The following CNTNAP2 variants were observed in gnomAD, a reference collection of about 807,000 sequenced individuals.
CNTNAP2 encodes contactin associated protein 2.
In CNTNAP2, 98 loss-of-function variants were observed where a neutral mutation model predicts 155.2. The observed-to-expected ratio is 0.63, with a 90% CI of 0.54 to 0.75. The LOEUF is 0.75. Among genes scored for constraint, CNTNAP2 ranks in the 30% least tolerant of loss-of-function variants. The pLI is 0.00. For missense variants in CNTNAP2, 1,727 were observed against 1,688.1 expected (o/e 1.02, Z -0.40); for synonymous variants, 651 against 631.2 (o/e 1.03, Z -0.47).
At chr7:146,957,631 G>A (rs1316389459) in intron 3 of CNTNAP2, among the ~76,000 whole-genome samples, 1 of 152,134 alleles carries the variant, frequency 6.6e-6, no homozygotes, top group African/African-American at 2.4e-5. Flanking sequence ...AGAAACAATG[G>A]CAGTCTTGGG....
intron 9 of CNTNAP2, among the ~76,000 whole-genome samples, chr7:147,338,496 C>T (rs1223104850): frequency 6.6e-6 from 1 of 151,894 alleles, no homozygotes; most frequent in Non-Finnish European, 1.5e-5. Context: ...GAAGTAAATG[C>T]CCTGGTGATT....
At chr7:147,831,515 C>T (rs527732068) in intron 13 of CNTNAP2, among the ~76,000 whole-genome samples, 2 of 152,296 alleles carry the variant, frequency 1.3e-5, no homozygotes, top group African/African-American at 2.4e-5. Flanking sequence ...ACAAGCAATG[C>T]TTGCATGTAG....
intron 1 of CNTNAP2, among the ~76,000 whole-genome samples, chr7:146,743,455 C>T (rs1563213175): frequency 2.0e-5 from 3 of 152,108 alleles, no homozygotes; most frequent in Admixed American, 6.5e-5. Flanking sequence ...ACTAGTGATT[C>T]GACCAAATTA....
chr7:147,133,296 G>A (rs1463241360), intron 8 of CNTNAP2, among the ~76,000 whole-genome samples: 2 of 152,138 alleles, frequency 1.3e-5, no homozygotes, highest in East Asian at 3.9e-4. Flanking sequence ...GATAGTCTTT[G>A]CAATAGTCAT....
At chr7:146,829,609 A>G (rs571554873) in intron 2 of CNTNAP2, among the ~76,000 whole-genome samples, 3 of 152,206 alleles carry the variant, frequency 2.0e-5, no homozygotes, top group African/African-American at 4.8e-5. Flanking sequence ...TTTTAAAAAT[A>G]TGAGTTAGAG....
intron 1 of CNTNAP2, among the ~76,000 whole-genome samples, chr7:146,216,356 A>G (rs985630288): frequency 6.6e-6 from 1 of 152,222 alleles, no homozygotes; most frequent in African/African-American, 2.4e-5. Context: ...TTTAAAAAAC[A>G]GATATATTCT....
chr7:147,110,076 C>A (rs1423456900), intron 5 of CNTNAP2, among the ~76,000 whole-genome samples: 1 of 152,060 alleles, frequency 6.6e-6, no homozygotes, highest in Non-Finnish European at 1.5e-5. Flanking sequence ...AGGCACCTAC[C>A]ACCATGCCCG....
intron 1 of CNTNAP2, among the ~76,000 whole-genome samples, chr7:146,410,018 G>A (rs1452145749): frequency 6.6e-6 from 1 of 152,064 alleles, no homozygotes; most frequent in Non-Finnish European, 1.5e-5. Context: ...AGTTGGGGCT[G>A]GACAGAACCT....
rs1241672499 is a variant in CNTNAP2, at chr7:146,609,106, A to G, written c.98-165165A>G. 3.3e-5 allele frequency among the ~76,000 whole-genome samples: 5 copies of G among 152,100 alleles called. No individual in the cohort carries two copies. In the South Asian group the frequency reaches 6.2e-4, roughly 19 times the overall value. ...TTTATTACTAGGTCTCAAAAATCTC[A>G]TTTACTATTTCCTACTTCAAATGAC... On this transcript the variant is annotated intron_variant, in intron 1 of 23. Coordinates refer to ENST00000361727, the MANE Select transcript of CNTNAP2 (RefSeq NM_014141.6).
chr7:147,625,401 T>A (rs1319017581), intron 12 of CNTNAP2, among the ~76,000 whole-genome samples: 1 of 152,116 alleles, frequency 6.6e-6, no homozygotes, highest in Non-Finnish European at 1.5e-5. Flanking sequence ...CCCACAAAAA[T>A]TTAAAATTTA....
At chr7:147,017,587 T>C (rs866889462) in intron 3 of CNTNAP2, among the ~76,000 whole-genome samples, 13 of 152,174 alleles carry the variant, frequency 8.5e-5, no homozygotes, top group Middle Eastern at 3.4e-3. Context: ...TTACAATTTT[T>C]CATAATGCCA....
rs185105137 is a variant in CNTNAP2, at chr7:146,339,699, G to A, written c.97+222726G>A. On this transcript the variant is annotated intron_variant, in intron 1 of 23. Transcript: ENST00000361727. ...ATATGGAAATTATGAATAAACAAAAGTAGATGTGAATGAAGCCAAGAAACT... is the reference window on the plus strand; with the variant it reads ...ATATGGAAATTATGAATAAACAAAAATAGATGTGAATGAAGCCAAGAAACT... 1.4e-3 allele frequency among the ~76,000 whole-genome samples: 220 copies of A among 152,224 alleles called. 1 individual carries two copies. Among genetic ancestry groups the A allele is most frequent in the African/African-American group, 5.1e-3 (213 of 41,538 alleles).
chr7:147,133,369 A>G (rs1258745839), intron 8 of CNTNAP2, among the ~76,000 whole-genome samples: 1 of 152,104 alleles, frequency 6.6e-6, no homozygotes, highest in Admixed American at 6.6e-5. Context: ...CATTTACTGA[A>G]CACTTAGTAC....
chr7:146,420,366 G>A (rs73738762), intron 1 of CNTNAP2, among the ~76,000 whole-genome samples: 11,919 of 151,958 alleles, frequency 0.078, 528 homozygotes, highest in African/African-American at 0.092. Flanking sequence ...TGTCTCCCCC[G>A]TCACTGCCTG....
chr7:146,815,505 T>A (rs1380396233), intron 2 of CNTNAP2, among the ~76,000 whole-genome samples: 1 of 152,150 alleles, frequency 6.6e-6, no homozygotes, highest in African/African-American at 2.4e-5. Flanking sequence ...TGTGTCTATA[T>A]ATATACATGA....
chr7:146,357,991 G>A (rs1181973999), intron 1 of CNTNAP2, among the ~76,000 whole-genome samples: 1 of 149,954 alleles, frequency 6.7e-6, no homozygotes, highest in Non-Finnish European at 1.5e-5. Flanking sequence ...CCATTTTCTG[G>A]GCAGCTTTAT....
At chr7:147,350,384 C>G (rs1036323811) in intron 9 of CNTNAP2, among the ~76,000 whole-genome samples, 1 of 151,710 alleles carries the variant, frequency 6.6e-6, no homozygotes, top group East Asian at 1.9e-4. Context: ...CAAGTAATAC[C>G]CCTCTAAGCG....
At chr7:148,189,150 G>C (rs1371785548) in intron 18 of CNTNAP2, among the ~76,000 whole-genome samples, 5 of 152,158 alleles carry the variant, frequency 3.3e-5, no homozygotes, top group Non-Finnish European at 7.3e-5. Context: ...CACTGAGAAT[G>C]CCTTGTTCTC....
chr7:147,537,348 TA>T (rs1315227763), intron 11 of CNTNAP2, among the ~76,000 whole-genome samples: 1 of 152,234 alleles, frequency 6.6e-6, no homozygotes, highest in African/African-American at 2.4e-5. Context: ...GGAACTCTTA[TA>T]TAATCGTAAA....
Sources: allele counts gnomAD v4.1 joint callset (sites outside exome capture counted in the v4.1 genomes callset), GRCh38; gene constraint gnomAD v4.1.1; transcripts MANE v1.5; gene names NCBI Gene and HGNC (gene_info 2026-07-23, HGNC 2026-07-21).